Variants in SH2B1 observed in about 807,000 individuals in gnomAD.
SH2B1 encodes SH2B adaptor protein 1.
In SH2B1, 15 loss-of-function variants were observed where a neutral mutation model predicts 62.6. The ratio of observed to expected loss-of-function variants is 0.24; its 90% CI spans 0.16 to 0.37. The LOEUF (loss-of-function observed/expected upper bound fraction) is 0.37. SH2B1 is among the 10% of genes least tolerant of loss of function. The pLI is 1.00. For synonymous variants in SH2B1, 443 were observed against 438.0 expected, an observed-to-expected ratio of 1.01 and a Z score of -0.14; for missense variants, 925 against 1,015.6, an observed-to-expected ratio of 0.91 and a Z score of 1.21.
rs527418952 is a variant in SH2B1 at position 28,863,905 on chromosome 16, C to T, written c.-2190C>T. ...CGCAGGGAGCGGGAGCCGCCGCCGC[C>T]GCCGCCGCCGCCGGAGCTAACCTCG... On this transcript the variant is annotated 5_prime_UTR_variant, in exon 1 of 8. Transcript: ENST00000684370. 167 of 1,275,328 alleles carry T rather than the reference C, an allele frequency of 1.3e-4. 1 individual carries two copies. The African/African-American group carries it at 2.2e-3, about 17-fold the overall frequency. 79.0% of individuals were successfully genotyped at this position (1,275,328 alleles called of 1,614,324 possible).
Position 28,864,479 on chromosome 16 carries a change from C to T in SH2B1, c.-1616C>T. The stretch of plus-strand genomic sequence containing the variant: ...CCGTGCTCCATGACTCCTGCATCTC[C>T]TGATTGTTTCTCGTTGGTTTGGAGT... On this transcript the variant is annotated 5_prime_UTR_variant, in exon 1 of 8. Coordinates refer to ENST00000684370, the MANE Select transcript of SH2B1 (RefSeq NM_001387430.1). 3.0e-6 allele frequency: 3 copies of T among 985,776 alleles called. No individual in the cohort carries two copies. Among genetic ancestry groups the T allele is most frequent in the South Asian group, 4.7e-5 (1 of 21,328 alleles). 61.1% of individuals were successfully genotyped at this position (985,776 alleles called of 1,614,324 possible).
intron 1 of SH2B1, among the ~76,000 whole-genome samples, chr16:28,847,550 G>T (rs149546847): frequency 6.6e-6 from 1 of 152,206 alleles, no homozygotes; most frequent in African/African-American, 2.4e-5. Context: ...GGTGGCTATA[G>T]TGCCAGCCTA....
In SH2B1 at chr16:28,864,013, C is replaced by T. The variant is rs1313089090; in HGVS notation, c.-2082C>T. Reference sequence around the variant, plus strand: ...CTCTCCGCGACCCGGCCCTGGCGCCCGAGAGGATTCCTGGGTGGGGGTGGG... The same window carrying T: ...CTCTCCGCGACCCGGCCCTGGCGCCTGAGAGGATTCCTGGGTGGGGGTGGG... On this transcript the variant is annotated 5_prime_UTR_variant, in exon 1 of 8. Coordinates refer to ENST00000684370, the MANE Select transcript of SH2B1 (RefSeq NM_001387430.1). The T allele has an allele frequency of 1.4e-5, 19 of 1,354,614 alleles. No homozygotes were observed. The highest frequency in any genetic ancestry group is 1.8e-5 in the Non-Finnish European group (19 of 1,050,414). 83.9% of individuals were successfully genotyped at this position (1,354,614 alleles called of 1,614,324 possible).
rs1365826803 is a variant in SH2B1 at position 28,866,900 on chromosome 16, G to T, written c.806G>T (p.Gly269Val). ...GCAGCCCCTGACCCAGCCGGAGTGG[G>T]CCGGGGAGGAGGGGTGGCTGGGCCT... ...EEAAPDPAGV[G>V]RGGGVAGPPS... The change falls in exon 1 of 8, where the codon GGC (glycine) becomes GTC (valine). Residue 269 changes from glycine (G) to valine (V), a missense_variant. Gly to Val is a moderately radical substitution (Grantham distance 109). Transcript: ENST00000684370. The surrounding 1 kb of genome is among the most constrained non-coding windows in gnomAD (Gnocchi z 6.3). The T allele has an allele frequency of 2.5e-6, 4 of 1,612,136 alleles. No individual in the cohort carries two copies. Among genetic ancestry groups the T allele is most frequent in the South Asian group, 1.1e-5 (1 of 90,998 alleles).
Position 28,864,109 on chromosome 16 carries a change from G to A in SH2B1, c.-1986G>A. The stretch of plus-strand genomic sequence containing the variant: ...AGCAGACAGGGCTGGTCCCGAGGTG[G>A]ATGCGGCCCCGGAAAATGGGCGGCT... On this transcript the variant is annotated 5_prime_UTR_variant, in exon 1 of 8. Coordinates refer to ENST00000684370, the MANE Select transcript of SH2B1 (RefSeq NM_001387430.1). 6.5e-6 allele frequency: 8 copies of A among 1,234,136 alleles called. No individual in the cohort carries two copies. The highest frequency in any genetic ancestry group is 8.2e-6 in the Non-Finnish European group (8 of 980,300). The allele number at this position is 1,234,136 out of a possible 1,614,324, so 76.4% of individuals were successfully genotyped here. A position where few individuals can be genotyped will look rare whatever the true frequency, so the allele number is the denominator to read the frequency against.
In SH2B1 at chr16:28,866,507, C is replaced by T. The variant is rs2152176240; in HGVS notation, c.413C>T (p.Ser138Phe). ...DLAGPLPSSVSSSSTTSSKPK... is the reference protein window; with the variant it reads ...DLAGPLPSSVFSSSTTSSKPK... ...GCCGGCCCCCTCCCTTCCTCAGTCT[C>T]TTCCTCCTCTACAACCTCCTCCAAG... The change falls in exon 1 of 8, where the codon TCT (serine) becomes TTT (phenylalanine). Residue 138 changes from serine (S) to phenylalanine (F), a missense_variant. Coordinates refer to ENST00000684370, the MANE Select transcript of SH2B1 (RefSeq NM_001387430.1). The surrounding 1 kb of genome is among the most constrained non-coding windows in gnomAD (Gnocchi z 6.3). The T allele has an allele frequency of 1.2e-6, 2 of 1,614,134 alleles. No individual in the cohort carries two copies. Among genetic ancestry groups the T allele is most frequent in the Non-Finnish European group, 1.7e-6 (2 of 1,180,030 alleles).
intron 2 of SH2B1, 134 bp from the exon 3 acceptor site, chr16:28,868,872 C>G: frequency 1.4e-6 from 1 of 725,608 alleles, no homozygotes; most frequent in Non-Finnish European, 2.5e-6. Context: ...AGGTGTGAGC[C>G]TCTGTACCCG....
rs759666297 is a variant in SH2B1 at position 28,867,444 on chromosome 16, A to T, written c.1041+12A>T. On this transcript the variant is annotated intron_variant, in intron 2 of 7. Coordinates refer to ENST00000684370, the MANE Select transcript of SH2B1 (RefSeq NM_001387430.1). ...CGTTTGTGGTTAAGGTAGGAATTCA[A>T]CTTCCCAGCCGCCGGCAGTGCTTGT... The T allele has an allele frequency of 6.3e-7, 1 of 1,597,886 alleles. No homozygotes were observed. The highest frequency in any genetic ancestry group is 1.1e-5 in the South Asian group (1 of 90,726).
Position 28,873,727 on chromosome 16 carries a change from C to G in SH2B1, c.2178C>G (p.Pro726=), listed in dbSNP as rs1963181235. ...GGTCTGGTGGGGACGCGGGGGTGCC[C>G]CCAATGGTGCAGCTGCAGCAGTCAC... The part of the protein sequence containing the change: ...GAGSGGDAGV[P]PMVQLQQSPL... The change falls in exon 8 of 8, where the codon CCC becomes CCG. Residue 726 remains proline (P), a synonymous_variant. Transcript: ENST00000684370. This position sits in a 1 kb window ranked among gnomAD's most constrained non-coding sequence, Gnocchi z 4.2. 1 of 1,491,928 alleles carries G rather than the reference C, an allele frequency of 6.7e-7. No homozygotes were observed. Among genetic ancestry groups the G allele is most frequent in the Non-Finnish European group, 8.9e-7 (1 of 1,119,814 alleles). 92.4% of individuals were successfully genotyped at this position (1,491,928 alleles called of 1,614,324 possible). A position where few individuals can be genotyped will look rare whatever the true frequency, so the allele number is the denominator to read the frequency against.
chr16:28,864,524 A>G lies in SH2B1; in HGVS notation c.-1571A>G. 1 of 985,648 alleles carries G rather than the reference A, an allele frequency of 1.0e-6. No individual in the cohort carries two copies. The highest frequency in any genetic ancestry group is 1.2e-6 in the Non-Finnish European group (1 of 830,058). The allele number at this position is 985,648 out of a possible 1,614,324, so 61.1% of individuals were successfully genotyped here. ...TGGAGTTGTCCCTGCGGTTGGAGCC[A>G]TCTGAGCTTGTAGGGTCGAGGCCCA... is the stretch of plus-strand genomic sequence containing the variant. On this transcript the variant is annotated 5_prime_UTR_variant, in exon 1 of 8. Coordinates refer to ENST00000684370, the MANE Select transcript of SH2B1 (RefSeq NM_001387430.1).
At position 28,857,893 on chromosome 16, in the gene SH2B1, C is replaced by T. The variant is rs568041873; in HGVS notation, c.-300-3725C>T. ...TAGCTGGGACTACAGGCGCCCACCA[C>T]CACACCTGGCGAATTTTTGGTATTT... is the stretch of plus-strand genomic sequence containing the variant. On this transcript the variant is annotated intron_variant, in intron 1 of 10. Transcript: ENST00000322610. Among the ~76,000 whole-genome samples the T allele has an allele frequency of 2.4e-3, 369 of 151,082 alleles. 2 individuals are homozygous for T. The highest frequency in any genetic ancestry group is 3.9e-3 in the Non-Finnish European group (266 of 68,012).
At chr16:28,847,864 C>T (rs1197232836) in intron 1 of SH2B1, among the ~76,000 whole-genome samples, 2 of 126,488 alleles carry the variant, frequency 1.6e-5, no homozygotes, top group East Asian at 2.5e-4. Context: ...CTCACTCTGT[C>T]GCCCAGGCTG....
upstream of SH2B1, chr16:28,862,848 C>T (rs1328228428): frequency 6.6e-6 from 1 of 150,612 alleles, no homozygotes; most frequent in African/African-American, 2.4e-5. Flanking sequence ...AAACTCCTGA[C>T]CTCAAGCCAT....
chr16:28,852,826 ATT>A lies in SH2B1; in HGVS notation c.-301+6001_-301+6002del, dbSNP rs1175444124. ...TATATTTACATATATTTACATATAT[ATT>A]TATATATATATACATATATATATTT... On this transcript the variant is annotated intron_variant, in intron 1 of 10. Coordinates refer to the SH2B1 transcript ENST00000322610. Among the ~76,000 whole-genome samples, 9 of 40,578 alleles carry A rather than the reference ATT, an allele frequency of 2.2e-4. 2 individuals carry two copies. Among genetic ancestry groups the A allele is most frequent in the Non-Finnish European group, 3.4e-4 (9 of 26,782 alleles). 26.6% of individuals were successfully genotyped at this position (40,578 alleles called of 152,430 possible).
At chr16:28,869,176 T>G (rs1413636907) in intron 3 of SH2B1, 32 bp from the exon 4 acceptor site, 12 of 1,613,786 alleles carry the variant, frequency 7.4e-6, no homozygotes, top group Non-Finnish European at 8.5e-6. Context: ...CTGGTGACTT[T>G]CCTCCCAGCA....
chr16:28,863,692 C>A, upstream of SH2B1: 4 of 1,535,778 alleles, frequency 2.6e-6, no homozygotes, highest in Non-Finnish European at 3.5e-6. Context: ...GGCACTGAAG[C>A]CCTACGAGAT....
chr16:28,866,880 C>T lies in SH2B1; in HGVS notation c.786C>T (p.Ala262=). ...GTTTCATGGGGGCTGAGGAGGCAGC[C>T]CCTGACCCAGCCGGAGTGGGCCGGG... The part of the protein sequence containing the change: ...LLSFMGAEEA[A]PDPAGVGRGG... Residue 262 remains alanine (A), a synonymous_variant, in exon 1 of 8, where the codon GCC becomes GCT. Coordinates refer to ENST00000684370, the MANE Select transcript of SH2B1 (RefSeq NM_001387430.1). This position sits in a 1 kb window ranked among gnomAD's most constrained non-coding sequence, Gnocchi z 6.3. 1 of 1,611,466 alleles carries T rather than the reference C, an allele frequency of 6.2e-7. No homozygotes were observed. The highest frequency in any genetic ancestry group is 8.5e-7 in the Non-Finnish European group (1 of 1,179,016).
chr16:28,849,909 C>A (rs1962059105), intron 1 of SH2B1, among the ~76,000 whole-genome samples: 1 of 151,330 alleles, frequency 6.6e-6, no homozygotes, highest in South Asian at 2.1e-4. Context: ...GGTGACAGAG[C>A]GAGACTCTGT....
intron 1 of SH2B1, among the ~76,000 whole-genome samples, chr16:28,856,413 A>G (rs1962325826): frequency 1.3e-5 from 2 of 152,178 alleles, no homozygotes; most frequent in African/African-American, 4.8e-5. Context: ...TTCAATGGAA[A>G]GCAAATTTTA....
Sources: allele counts gnomAD v4.1 joint callset (sites outside exome capture counted in the v4.1 genomes callset), GRCh38; gene constraint gnomAD v4.1.1; non-coding constraint Gnocchi (gnomAD v3.1); transcripts MANE v1.5; gene names NCBI Gene and HGNC (gene_info 2026-07-23, HGNC 2026-07-21).